The following GSN variants were observed in gnomAD, a reference collection of about 807,000 sequenced individuals.
GSN encodes actin-depolymerizing factor.
A neutral mutation model predicts 85.7 loss-of-function variants in GSN; 56 were observed. The ratio of observed to expected loss-of-function variants is 0.65; its 90% CI spans 0.53 to 0.82. The LOEUF (loss-of-function observed/expected upper bound fraction) is 0.82. Ranked by LOEUF, GSN falls within the 40% of genes least tolerant of loss-of-function variation. The pLI, the probability that GSN is intolerant of heterozygous loss-of-function variation, is 0.00. For missense variants in GSN, 857 were observed against 979.8 expected (o/e 0.87, Z 1.67); for synonymous variants, 373 against 399.1 (o/e 0.93, Z 0.78).
chr9:121,256,401 A>G (rs752785924), intron 6 of GSN, among the ~76,000 whole-genome samples: 1 of 152,220 alleles, frequency 6.6e-6, no homozygotes, highest in African/African-American at 2.4e-5. Context: ...ACTGAAAGTC[A>G]TTATGTTAAG....
intron 2 of GSN, chr9:121,284,716 C>G (rs745485457): frequency 1.8e-5 from 3 of 167,146 alleles, no homozygotes; most frequent in Non-Finnish European, 4.4e-5. Flanking sequence ...GTTTTGAATG[C>G]TGGGTTTCTA....
intron 1 of GSN, among the ~76,000 whole-genome samples, chr9:121,209,109 A>G (rs1339296875): frequency 3.3e-5 from 5 of 152,236 alleles, no homozygotes; most frequent in Non-Finnish European, 7.3e-5. Flanking sequence ...CAGGTTGGAG[A>G]AGAAACTTTT....
Position 121,282,209 on chromosome 9 carries a change from T to A in GSN, c.-10+647T>A, listed in dbSNP as rs141913907. On this transcript the variant is annotated intron_variant, in intron 2 of 17. Coordinates refer to ENST00000432226, the MANE Select transcript of GSN (RefSeq NM_198252.3). ...CAGCTTCAGCCTCGGTTTCTCCACC[T>A]GTAGGATGGGTGCCTTGGTCTCCCC... 308 of 553,956 alleles carry A rather than the reference T, an allele frequency of 5.6e-4. 4 individuals carry two copies. In the East Asian group the frequency reaches 8.5e-3, roughly 15 times the overall value. The allele number at this position is 553,956 out of a possible 1,614,324, so 34.3% of individuals were successfully genotyped here. A position where few individuals can be genotyped will look rare whatever the true frequency, so the allele number is the denominator to read the frequency against.
At chr9:121,253,071 C>T (rs1299972983) in intron 6 of GSN, among the ~76,000 whole-genome samples, 2 of 152,178 alleles carry the variant, frequency 1.3e-5, no homozygotes, top group African/African-American at 2.4e-5. Context: ...TTGTGCCTCA[C>T]GTGGTGGGAA....
At chr9:121,232,551 A>G (rs2054411834) in intron 5 of GSN, among the ~76,000 whole-genome samples, 1 of 152,206 alleles carries the variant, frequency 6.6e-6, no homozygotes, top group Non-Finnish European at 1.5e-5. Context: ...TTTAAAAAAT[A>G]TATTTTATTG....
chr9:121,282,907 G>T, intron 2 of GSN: 1 of 206,562 alleles, frequency 4.8e-6, no homozygotes, highest in Admixed American at 6.1e-5. Context: ...CTGAGCAACC[G>T]TCGCCTGAGA....
At chr9:121,267,118 C>A (rs2055246654), upstream of GSN, among the ~76,000 whole-genome samples, 1 of 152,206 alleles carries the variant, frequency 6.6e-6, no homozygotes, top group African/African-American at 2.4e-5. Flanking sequence ...TCATGTGGTG[C>A]AGTCTCCTGT....
intron 4 of GSN, among the ~76,000 whole-genome samples, chr9:121,214,931 T>C (rs2054032831): frequency 6.6e-6 from 1 of 152,174 alleles, no homozygotes; most frequent in African/African-American, 2.4e-5. Context: ...ATAATAAAAG[T>C]ACCATGAACT....
At chr9:121,228,422 ATATTTTTTTTTTTTTT>A (rs2054317005) in intron 4 of GSN, among the ~76,000 whole-genome samples, 1 of 58,192 alleles carries the variant, frequency 1.7e-5, no homozygotes, top group South Asian at 5.9e-4. Flanking sequence ...ATATATATAT[ATATTTTTTTTTTTTTT>A]TTTTTTTTTT....
At chr9:121,212,179 T>TA (rs2053980788) in intron 4 of GSN, among the ~76,000 whole-genome samples, 1 of 152,090 alleles carries the variant, frequency 6.6e-6, no homozygotes, top group African/African-American at 2.4e-5. Context: ...ACAAAACAGA[T>TA]ATCCCAGCAG....
chr9:121,239,519 G>C (rs927184955), intron 5 of GSN: 1 of 303,080 alleles, frequency 3.3e-6, no homozygotes. Context: ...TGGCAGATTT[G>C]AGCTGCAATC....
Position 121,329,053 on chromosome 9 carries a change from C to T in GSN, c.1887+38C>T, listed in dbSNP as rs373240307. 5.0e-6 allele frequency: 8 copies of T among 1,610,242 alleles called. No individual in the cohort carries two copies. Among genetic ancestry groups the T allele is most frequent in the South Asian group, 2.2e-5 (2 of 90,738 alleles). The stretch of plus-strand genomic sequence containing the variant: ...GGAGGTCACACCTCTGCTTTCCCCT[C>T]GGGAGGCGAGTTCCACAGGACTGGC... On this transcript the variant is annotated intron_variant, in intron 15 of 17. Transcript: ENST00000432226. This position sits in a 1 kb window ranked among gnomAD's most constrained non-coding sequence, Gnocchi z 4.6.
At chr9:121,212,820 AT>A (rs1009770136) in intron 4 of GSN, among the ~76,000 whole-genome samples, 1 of 150,826 alleles carries the variant, frequency 6.6e-6, no homozygotes. Flanking sequence ...ATTTTTGTAT[AT>A]TTTTTTTAGT....
In GSN at chr9:121,329,135, C is replaced by T; in HGVS notation, c.1888-103C>T. The T allele has an allele frequency of 6.6e-7, 1 of 1,506,026 alleles. No individual in the cohort carries two copies. The highest frequency in any genetic ancestry group is 9.2e-7 in the Non-Finnish European group (1 of 1,088,702). 93.3% of individuals were successfully genotyped at this position (1,506,026 alleles called of 1,614,324 possible). A position where few individuals can be genotyped will look rare whatever the true frequency, so the allele number is the denominator to read the frequency against. ...GGTGTGGCACAGAGGAAGGGGCCCC[C>T]TGCCAGCTGCAGCCAGCTGTGCCAC... is the stretch of plus-strand genomic sequence containing the variant. On this transcript the variant is annotated intron_variant, in intron 15 of 17. Coordinates refer to ENST00000432226, the MANE Select transcript of GSN (RefSeq NM_198252.3). The surrounding 1 kb of genome is among the most constrained non-coding windows in gnomAD (Gnocchi z 4.6).
intron 5 of GSN, among the ~76,000 whole-genome samples, chr9:121,242,524 G>A (rs796079338): frequency 4.6e-5 from 7 of 152,270 alleles, no homozygotes; most frequent in African/African-American, 1.4e-4. Context: ...AGACCACAGT[G>A]GATGGTTCCT....
intron 4 of GSN, among the ~76,000 whole-genome samples, chr9:121,303,646 T>C (rs2060127666): frequency 6.6e-6 from 1 of 152,186 alleles, no homozygotes; most frequent in Non-Finnish European, 1.5e-5. Flanking sequence ...GGTGACTTCC[T>C]GCAAGCCACT....
At chr9:121,241,444 C>T (rs1303372688) in intron 5 of GSN, among the ~76,000 whole-genome samples, 1 of 152,158 alleles carries the variant, frequency 6.6e-6, no homozygotes, top group Non-Finnish European at 1.5e-5. Flanking sequence ...CAAAAAACTT[C>T]CCCACAGGTT....
Position 121,299,307 on chromosome 9 carries a change from G to T in GSN, c.-9-2656G>T. 1.0e-6 allele frequency: 1 copy of T among 985,206 alleles called. No homozygotes were observed. The highest frequency in any genetic ancestry group is 1.2e-6 in the Non-Finnish European group (1 of 829,760). 61.0% of individuals were successfully genotyped at this position (985,206 alleles called of 1,614,324 possible). A position where few individuals can be genotyped will look rare whatever the true frequency, so the allele number is the denominator to read the frequency against. On this transcript the variant is annotated intron_variant, in intron 2 of 17. Transcript: ENST00000432226. The surrounding 1 kb of genome is among the most constrained non-coding windows in gnomAD (Gnocchi z 4.2). ...CCCCTGCCCTGCTGCGGCGCATGCTGCCTGGTGGGGGTTCTGCCCAGGCCC... is the reference window on the plus strand; with the variant it reads ...CCCCTGCCCTGCTGCGGCGCATGCTTCCTGGTGGGGGTTCTGCCCAGGCCC...
At chr9:121,275,423 C>T (rs754537050) in intron 1 of GSN, among the ~76,000 whole-genome samples, 1 of 152,196 alleles carries the variant, frequency 6.6e-6, no homozygotes, top group African/African-American at 2.4e-5. Flanking sequence ...TCTCATCTGA[C>T]TCCAAAGAGC....
Sources: gnomAD v4.1 joint callset for allele counts (sites outside exome capture counted in the v4.1 genomes callset) on GRCh38, gnomAD v4.1.1 for gene constraint, Gnocchi (gnomAD v3.1) non-coding constraint, MANE v1.5 for transcripts, NCBI Gene and HGNC (gene_info 2026-07-23, HGNC 2026-07-21) for gene names.